Variants in KCNH1 observed in about 807,000 individuals in gnomAD.
KCNH1 encodes the protein potassium voltage-gated channel subfamily H member 1, also known as voltage-gated delayed rectifier potassium channel KCNH1.
In KCNH1, 27 loss-of-function variants were observed where a neutral mutation model predicts 69.2. That is an observed-to-expected ratio of 0.39 (90% confidence interval 0.29 to 0.54). The LOEUF (loss-of-function observed/expected upper bound fraction) is 0.54. Ranked by LOEUF, KCNH1 falls within the 20% of genes least tolerant of loss-of-function variation. The pLI, the probability that KCNH1 is intolerant of heterozygous loss-of-function variation, is 0.68. For missense variants in KCNH1, 798 were observed against 1,261.6 expected, an observed-to-expected ratio of 0.63 and a Z score of 5.57; for synonymous variants, 456 against 487.7, an observed-to-expected ratio of 0.93 and a Z score of 0.86.
intron 7 of KCNH1, among the ~76,000 whole-genome samples, chr1:210,851,399 C>T (rs537227696): frequency 6.6e-6 from 1 of 152,348 alleles, no homozygotes; most frequent in African/African-American, 2.4e-5. Flanking sequence ...TGTCACACGA[C>T]ACCGTAAAGT....
chr1:210,974,165 T>G (rs1207716339), intron 6 of KCNH1, among the ~76,000 whole-genome samples: 2 of 152,202 alleles, frequency 1.3e-5, no homozygotes, highest in Admixed American at 6.5e-5. Flanking sequence ...AGGTGTTTTG[T>G]TAAATGCTCT....
chr1:210,803,834 G>A (rs950838220), intron 8 of KCNH1, 133 bp downstream of exon 8: 1 of 722,296 alleles, frequency 1.4e-6, no homozygotes, highest in Non-Finnish European at 2.4e-6. Context: ...CTGGAGGTAG[G>A]ACCTGGAATC....
At chr1:210,736,743 G>C (rs1365878940) in intron 10 of KCNH1, among the ~76,000 whole-genome samples, 1 of 152,150 alleles carries the variant, frequency 6.6e-6, no homozygotes. Flanking sequence ...TGAAGGAAGA[G>C]GTTAGAGCAG....
At chr1:210,777,060 G>A (rs1683874551) in intron 9 of KCNH1, among the ~76,000 whole-genome samples, 2 of 152,116 alleles carry the variant, frequency 1.3e-5, no homozygotes, top group African/African-American at 4.8e-5. Context: ...TGTATTCAAG[G>A]GAGTTGTCAG....
chr1:210,775,634 C>T, intron 9 of KCNH1, 90 bp from the exon 10 acceptor site: 1 of 920,068 alleles, frequency 1.1e-6, no homozygotes, highest in Non-Finnish European at 1.7e-6. Flanking sequence ...GAATTGCTGT[C>T]CTTTCAGCAT....
At chr1:210,748,148 G>C (rs541256595) in intron 10 of KCNH1, among the ~76,000 whole-genome samples, 2 of 152,210 alleles carry the variant, frequency 1.3e-5, no homozygotes, top group Non-Finnish European at 2.9e-5. Flanking sequence ...TCAGGTGCAG[G>C]AGGTCAGCAG....
At chr1:210,860,261 G>C (rs1460710239) in intron 7 of KCNH1, 1 of 1,471,604 alleles carries the variant, frequency 6.8e-7, no homozygotes, top group African/African-American at 1.4e-5. Context: ...ACAAGGGGTA[G>C]TAGCTGCCAC....
chr1:210,888,678 A>G (rs1686676091), intron 7 of KCNH1, among the ~76,000 whole-genome samples: 1 of 152,174 alleles, frequency 6.6e-6, no homozygotes, highest in African/African-American at 2.4e-5. Context: ...TAAAGAAGAA[A>G]AGAGAGAAGA....
chr1:211,127,518 G>A (rs1298375537), intron 1 of KCNH1, among the ~76,000 whole-genome samples: 1 of 151,836 alleles, frequency 6.6e-6, no homozygotes, highest in African/African-American at 2.4e-5. Flanking sequence ...TTACAATCGT[G>A]TGTGAGGGAG....
chr1:210,851,267 T>C lies in KCNH1; in HGVS notation c.1463-47101A>G, dbSNP rs76900067. ...CCCTCAAAGTGTTCTTGGTCTAGTGTGTTTGGGTACCTTGTTCTTTCACTT... is the reference window on the plus strand; with the variant it reads ...CCCTCAAAGTGTTCTTGGTCTAGTGCGTTTGGGTACCTTGTTCTTTCACTT... On this transcript the variant is annotated intron_variant, in intron 7 of 10. Transcript: ENST00000271751. Among the ~76,000 whole-genome samples the C allele has an allele frequency of 2.0e-3, 310 of 152,352 alleles. 2 individuals carry two copies. Among genetic ancestry groups the C allele is most frequent in the African/African-American group, 7.0e-3 (292 of 41,580 alleles).
chr1:210,807,485 G>A (rs1237305268), intron 7 of KCNH1, among the ~76,000 whole-genome samples: 1 of 152,006 alleles, frequency 6.6e-6, no homozygotes, highest in Non-Finnish European at 1.5e-5. Context: ...GGTGGCACAT[G>A]CCTGTAGTCC....
chr1:210,726,043 TAGAA>T (rs1485752697), intron 10 of KCNH1, among the ~76,000 whole-genome samples: 10 of 152,140 alleles, frequency 6.6e-5, no homozygotes, highest in Non-Finnish European at 1.5e-4. Flanking sequence ...GTTTGGCAGA[TAGAA>T]AGTGTATTAT....
chr1:210,698,740 A>G (rs1681703593), intron 10 of KCNH1, among the ~76,000 whole-genome samples: 1 of 152,190 alleles, frequency 6.6e-6, no homozygotes, highest in African/African-American at 2.4e-5. Flanking sequence ...CCCTATGGGT[A>G]GCCACTATTA....
intron 7 of KCNH1, among the ~76,000 whole-genome samples, chr1:210,907,864 A>T (rs1042276040): frequency 6.6e-6 from 1 of 152,182 alleles, no homozygotes; most frequent in Non-Finnish European, 1.5e-5. Flanking sequence ...GCCAAGAGAC[A>T]TTACTTTTAC....
chr1:211,118,219 AC>A (rs1057383661), intron 1 of KCNH1, among the ~76,000 whole-genome samples: 2 of 152,262 alleles, frequency 1.3e-5, no homozygotes, highest in African/African-American at 4.8e-5. Flanking sequence ...ATTGATGCAC[AC>A]ACATACCACA....
chr1:211,006,590 A>G (rs1280659657), intron 6 of KCNH1, among the ~76,000 whole-genome samples: 2 of 152,202 alleles, frequency 1.3e-5, no homozygotes, highest in African/African-American at 4.8e-5. Flanking sequence ...GGAGTTGGTT[A>G]CATTCTATTT....
In KCNH1 at chr1:211,111,329, G is replaced by T. The variant is rs368389070; in HGVS notation, c.80-3952C>A. Among the ~76,000 whole-genome samples the T allele has an allele frequency of 6.0e-5, 9 of 150,968 alleles. No homozygotes were observed. The East Asian group carries it at 1.2e-3, about 20-fold the overall frequency. On this transcript the variant is annotated intron_variant, in intron 1 of 10. Coordinates refer to ENST00000271751, the MANE Select transcript of KCNH1 (RefSeq NM_172362.3). Reference sequence around the variant, plus strand: ...TCCCACCGTCTGGGAAGTCAGGAGCGCCTCTGCCCGGCCCCCCCACCGTCT... The same window carrying T: ...TCCCACCGTCTGGGAAGTCAGGAGCTCCTCTGCCCGGCCCCCCCACCGTCT...
intron 7 of KCNH1, among the ~76,000 whole-genome samples, chr1:210,911,922 C>T (rs75562987): frequency 0.078 from 11,945 of 152,182 alleles, 662 homozygotes; most frequent in South Asian, 0.18. Flanking sequence ...TGATTCTTTA[C>T]TCTGCATCCC....
intron 5 of KCNH1, among the ~76,000 whole-genome samples, chr1:211,028,657 G>A (rs1199641856): frequency 6.6e-6 from 1 of 151,764 alleles, no homozygotes; most frequent in African/African-American, 2.4e-5. Context: ...ATAAGGTAAT[G>A]TTACAAACAA....
Sources: gnomAD v4.1 joint callset for allele counts (sites outside exome capture counted in the v4.1 genomes callset) on GRCh38, gnomAD v4.1.1 for gene constraint, MANE v1.5 for transcripts, NCBI Gene and HGNC (gene_info 2026-07-23, HGNC 2026-07-21) for gene names.